Variants in PDLIM5 observed in about 807,000 individuals in gnomAD.
PDLIM5 encodes PDZ and LIM domain protein 5.
In PDLIM5, 34 loss-of-function variants were observed where a neutral mutation model predicts 64.2. The observed-to-expected ratio is 0.53, with a 90% CI of 0.40 to 0.71. PDLIM5 has a LOEUF of 0.71. PDLIM5 is among the 30% of genes least tolerant of loss of function. The pLI, the probability that PDLIM5 is intolerant of heterozygous loss-of-function variation, is 0.00. For missense variants in PDLIM5, 683 were observed against 733.6 expected, an observed-to-expected ratio of 0.93 and a Z score of 0.80; for synonymous variants, 253 against 269.1, an observed-to-expected ratio of 0.94 and a Z score of 0.59.
chr4:94,625,484 T>G (rs1739595615), intron 8 of PDLIM5, among the ~76,000 whole-genome samples: 1 of 151,456 alleles, frequency 6.6e-6, no homozygotes, highest in African/African-American at 2.4e-5. Context: ...ACAGAGTCTC[T>G]CTGTGTTGCC....
At chr4:94,634,854 A>G (rs947299027) in intron 8 of PDLIM5, among the ~76,000 whole-genome samples, 3 of 152,176 alleles carry the variant, frequency 2.0e-5, no homozygotes, top group African/African-American at 7.2e-5. Context: ...ATTTTAATTA[A>G]TATTTTCTTA....
intron 1 of PDLIM5, among the ~76,000 whole-genome samples, chr4:94,454,824 A>G (rs560630137): frequency 9.2e-5 from 14 of 152,346 alleles, no homozygotes; most frequent in African/African-American, 3.1e-4. Flanking sequence ...GAATTTAAGT[A>G]AGTGCAGTTG....
chr4:94,567,483 G>C (rs1734439564), intron 3 of PDLIM5, among the ~76,000 whole-genome samples: 1 of 149,976 alleles, frequency 6.7e-6, no homozygotes, highest in Non-Finnish European at 1.5e-5. Context: ...TAAGTTTTCA[G>C]AGAATGCAAT....
chr4:94,588,563 C>T (rs889017039), intron 7 of PDLIM5, among the ~76,000 whole-genome samples: 1 of 145,880 alleles, frequency 6.9e-6, no homozygotes, highest in African/African-American at 2.5e-5. Context: ...AACTCCATCT[C>T]TAAATAAATA....
At chr4:94,563,294 G>C (rs186116039) in intron 3 of PDLIM5, among the ~76,000 whole-genome samples, 3 of 152,212 alleles carry the variant, frequency 2.0e-5, no homozygotes, top group South Asian at 2.1e-4. Flanking sequence ...GAAATTAAAG[G>C]CTCATCTTGA....
intron 2 of PDLIM5, among the ~76,000 whole-genome samples, chr4:94,512,472 A>G (rs1168044504): frequency 1.3e-5 from 2 of 152,122 alleles, no homozygotes; most frequent in African/African-American, 4.8e-5. Context: ...AGCAATCTTA[A>G]TTGGGATGAG....
chr4:94,576,117 C>A, intron 5 of PDLIM5, 83 bp downstream of exon 5: 1 of 1,189,810 alleles, frequency 8.4e-7, no homozygotes, highest in South Asian at 1.5e-5. Context: ...TCCTCTCCCC[C>A]AAAACCAACT....
At chr4:94,503,385 T>A (rs1728103619) in intron 2 of PDLIM5, among the ~76,000 whole-genome samples, 3 of 152,232 alleles carry the variant, frequency 2.0e-5, no homozygotes, top group Admixed American at 2.0e-4. Context: ...GATTTCTTAA[T>A]CTGTCTTTAG....
intron 3 of PDLIM5, among the ~76,000 whole-genome samples, chr4:94,539,947 C>T (rs886668705): frequency 1.3e-5 from 2 of 151,902 alleles, no homozygotes; most frequent in African/African-American, 4.8e-5. Context: ...TTTTGAATTT[C>T]ATTTCTAAGT....
intron 2 of PDLIM5, among the ~76,000 whole-genome samples, chr4:94,520,241 A>G (rs1206307108): frequency 6.6e-6 from 1 of 152,202 alleles, no homozygotes; most frequent in South Asian, 2.1e-4. Context: ...GTACTGAAAA[A>G]TGCATTTAAA....
intron 7 of PDLIM5, chr4:94,608,106 C>T: frequency 6.5e-7 from 1 of 1,532,222 alleles, no homozygotes; most frequent in Non-Finnish European, 8.7e-7. Flanking sequence ...CCTCACCCTC[C>T]TGCAACTCCT....
chr4:94,563,795 T>C (rs1466284336), intron 3 of PDLIM5, among the ~76,000 whole-genome samples: 1 of 152,168 alleles, frequency 6.6e-6, no homozygotes, highest in East Asian at 1.9e-4. Context: ...TTCATCACAA[T>C]ATATTTAAGA....
At chr4:94,638,622 A>G (rs1740758755) in intron 8 of PDLIM5, among the ~76,000 whole-genome samples, 1 of 152,248 alleles carries the variant, frequency 6.6e-6, no homozygotes, top group African/African-American at 2.4e-5. Flanking sequence ...ATGTATATTT[A>G]TGTAAATACA....
chr4:94,503,656 T>A (rs1467371737), intron 2 of PDLIM5, among the ~76,000 whole-genome samples: 2 of 152,234 alleles, frequency 1.3e-5, no homozygotes, highest in Non-Finnish European at 2.9e-5. Context: ...TTTCTGATGA[T>A]TGTCCTATTT....
At chr4:94,532,684 C>T (rs980370407) in intron 3 of PDLIM5, among the ~76,000 whole-genome samples, 6 of 152,128 alleles carry the variant, frequency 3.9e-5, no homozygotes, top group African/African-American at 1.4e-4. Context: ...TTGATCACAA[C>T]CCTCACTCTT....
At position 94,657,556 on chromosome 4, in the gene PDLIM5, A is replaced by G. The variant is rs762265603; in HGVS notation, c.1585+9A>G. 2.5e-6 allele frequency: 4 copies of G among 1,600,878 alleles called. No homozygotes were observed. The highest frequency in any genetic ancestry group is 3.5e-5 in the Admixed American group (2 of 57,836). On this transcript the variant is annotated intron_variant, in intron 11 of 12. Coordinates refer to ENST00000317968, the MANE Select transcript of PDLIM5 (RefSeq NM_006457.5). ...ACCCTACTGTGAGACTGGTAAGATC[A>G]GGGAGCCATTTGTTTCTTGAATTTT...
intron 2 of PDLIM5, among the ~76,000 whole-genome samples, chr4:94,467,003 G>A (rs546014333): frequency 6.6e-6 from 1 of 152,180 alleles, no homozygotes; most frequent in Non-Finnish European, 1.5e-5. Context: ...AAACAAACAA[G>A]TTACAGTCTT....
At chr4:94,625,576 C>A (rs946926686) in intron 8 of PDLIM5, among the ~76,000 whole-genome samples, 2 of 151,992 alleles carry the variant, frequency 1.3e-5, no homozygotes, top group Non-Finnish European at 2.9e-5. Context: ...CCTCAGCCCC[C>A]CAAGTAGCTG....
chr4:94,646,702 A>G (rs1330262146), intron 9 of PDLIM5, among the ~76,000 whole-genome samples: 1 of 152,224 alleles, frequency 6.6e-6, no homozygotes, highest in African/African-American at 2.4e-5. Context: ...TCAGAAGTCT[A>G]TTCATAATCA....
Sources: allele counts gnomAD v4.1 joint callset (sites outside exome capture counted in the v4.1 genomes callset), GRCh38; gene constraint gnomAD v4.1.1; transcripts MANE v1.5; gene names NCBI Gene and HGNC (gene_info 2026-07-23, HGNC 2026-07-21).